NLRP4: variants seen among roughly 807,000 people sequenced by gnomAD.
The protein encoded by NLRP4 is NLR family pyrin domain containing 4, also known as NACHT, LRR and PYD domains-containing protein 4.
NLRP4 carries 44 observed loss-of-function variants against 84.7 expected under a neutral mutation model. The observed-to-expected ratio is 0.52, with a 90% CI of 0.41 to 0.67. The LOEUF (loss-of-function observed/expected upper bound fraction) is 0.67. NLRP4 is among the 30% of genes least tolerant of loss of function. The pLI, the probability that NLRP4 is intolerant of heterozygous loss-of-function variation, is 0.00. For missense variants in NLRP4, 1,260 were observed against 1,219.4 expected (o/e 1.03, Z -0.50); for synonymous variants, 544 against 476.4 (o/e 1.14, Z -1.85).
chr19:55,859,851 C>T (rs1289251368), intron 3 of NLRP4, among the ~76,000 whole-genome samples: 18 of 126,406 alleles, frequency 1.4e-4, no homozygotes, highest in South Asian at 8.5e-4. Context: ...CACTTGAGCC[C>T]GGGAGGCAGA....
At chr19:55,853,006 G>A (rs1984230705) in intron 2 of NLRP4, among the ~76,000 whole-genome samples, 1 of 152,206 alleles carries the variant, frequency 6.6e-6, no homozygotes, top group Non-Finnish European at 1.5e-5. Flanking sequence ...AACACCTGCG[G>A]TAGAGGATAC....
chr19:55,850,731 G>A (rs1375907421), intron 1 of NLRP4, among the ~76,000 whole-genome samples: 1 of 140,308 alleles, frequency 7.1e-6, no homozygotes, highest in African/African-American at 2.9e-5. Context: ...TGTACTTTCC[G>A]AGGCTGCGGT....
chr19:55,848,946 T>C (rs918833660), intron 1 of NLRP4, among the ~76,000 whole-genome samples: 13 of 152,188 alleles, frequency 8.5e-5, no homozygotes, highest in Admixed American at 3.3e-4. Context: ...TCCTCTCTTG[T>C]CTGCCGCCAT....
chr19:55,868,314 G>A (rs2123052949), intron 6 of NLRP4, among the ~76,000 whole-genome samples: 1 of 152,238 alleles, frequency 6.6e-6, no homozygotes, highest in Non-Finnish European at 1.5e-5. Context: ...TATAATACAT[G>A]TGATGTTCTT....
intron 1 of NLRP4, among the ~76,000 whole-genome samples, chr19:55,849,448 T>A (rs1450399100): frequency 6.6e-6 from 1 of 152,182 alleles, no homozygotes; most frequent in Non-Finnish European, 1.5e-5. Flanking sequence ...GAAATGTACT[T>A]CCTCTAGTTC....
chr19:55,845,526 C>A (rs1983760033), intron 1 of NLRP4, among the ~76,000 whole-genome samples: 1 of 151,990 alleles, frequency 6.6e-6, no homozygotes, highest in Admixed American at 6.6e-5. Context: ...ATTTATAATC[C>A]TTTGGGTATA....
At chr19:55,851,927 C>T (rs1984177617) in intron 1 of NLRP4, 89 bp from the exon 2 acceptor site, 1 of 610,448 alleles carries the variant, frequency 1.6e-6, no homozygotes. Flanking sequence ...CCTTCATTGC[C>T]ATCCCCCCAG....
At chr19:55,870,492 G>A (rs1015365342) in intron 6 of NLRP4, among the ~76,000 whole-genome samples, 4 of 152,130 alleles carry the variant, frequency 2.6e-5, no homozygotes, top group African/African-American at 4.8e-5. Context: ...GTGAAACCCC[G>A]TCTCTACTAA....
rs77551965 is a variant in NLRP4 at position 55,880,653 on chromosome 19, C to T, written c.2868-817C>T. Among the ~76,000 whole-genome samples, 57 of 152,170 alleles carry T rather than the reference C, an allele frequency of 3.7e-4. 1 individual carries two copies. Among genetic ancestry groups the T allele is most frequent in the Admixed American group, 2.4e-3 (37 of 15,278 alleles). On this transcript the variant is annotated intron_variant, in intron 9 of 9. Coordinates refer to ENST00000301295, the MANE Select transcript of NLRP4 (RefSeq NM_134444.5). ...ACCCCAACAGTGTGGGACAGTTGCA[C>T]GCAAACAGATGCCAAATGGAGATGA... is the stretch of plus-strand genomic sequence containing the variant.
At chr19:55,844,300 TC>T (rs1452562948) in intron 1 of NLRP4, among the ~76,000 whole-genome samples, 4 of 152,132 alleles carry the variant, frequency 2.6e-5, no homozygotes, top group Non-Finnish European at 5.9e-5. Flanking sequence ...TTTTTATTTT[TC>T]GAGATGGAGT....
At chr19:55,863,793 C>T (rs1157536717) in intron 5 of NLRP4, among the ~76,000 whole-genome samples, 2 of 152,150 alleles carry the variant, frequency 1.3e-5, no homozygotes, top group African/African-American at 4.8e-5. Context: ...CGTTGGCTGG[C>T]ACTTAACCAT....
intron 1 of NLRP4, among the ~76,000 whole-genome samples, chr19:55,843,784 A>G (rs541468495): frequency 1.3e-5 from 2 of 152,180 alleles, no homozygotes; most frequent in South Asian, 4.2e-4. Flanking sequence ...TTTCATGGCA[A>G]AAACCACAAT....
chr19:55,860,529 C>T (rs1984709331), intron 3 of NLRP4, among the ~76,000 whole-genome samples: 1 of 152,100 alleles, frequency 6.6e-6, no homozygotes, highest in Non-Finnish European at 1.5e-5. Context: ...CTGCGGTGAG[C>T]CATGATCGTG....
chr19:55,852,412 A>G (rs766501181), intron 2 of NLRP4, 52 bp downstream of exon 2: 3 of 1,249,108 alleles, frequency 2.4e-6, no homozygotes, highest in Non-Finnish European at 2.3e-6. Context: ...ACTATGTCCT[A>G]ATTTTGGTGA....
At position 55,867,813 on chromosome 19, in the gene NLRP4, A is replaced by G. The variant is rs1425012451; in HGVS notation, c.2291A>G (p.Asp764Gly). The G allele has an allele frequency of 6.2e-7, 1 of 1,614,194 alleles. No homozygotes were observed. The highest frequency in any genetic ancestry group is 1.3e-5 in the African/African-American group (1 of 75,050). ...TYLNVSCNQLDTGVPLLCEAL... is the reference protein window; with the variant it reads ...TYLNVSCNQLGTGVPLLCEAL... ...CTGAATGTATCCTGCAACCAGTTAG[A>G]CACAGGCGTGCCCCTTTTGTGTGAA... Residue 764 changes from aspartate to glycine, a missense_variant, in exon 6 of 10, where the codon GAC becomes GGC. Coordinates refer to ENST00000301295, the MANE Select transcript of NLRP4 (RefSeq NM_134444.5).
At chr19:55,859,950 AAACAAAAC>A (rs1984671353) in intron 3 of NLRP4, among the ~76,000 whole-genome samples, 1 of 90,588 alleles carries the variant, frequency 1.1e-5, no homozygotes, top group Admixed American at 1.4e-4. Flanking sequence ...AAAAAAAAAA[AAACAAAAC>A]ACAAATCATA....
chr19:55,874,404 G>T (rs531143085), intron 7 of NLRP4, among the ~76,000 whole-genome samples: 50 of 152,186 alleles, frequency 3.3e-4, no homozygotes, highest in African/African-American at 1.2e-3. Context: ...GTGGTCACAC[G>T]TGGCTGGCTA....
rs1984563209 is a variant in NLRP4 at position 55,858,540 on chromosome 19, G to T, written c.1147G>T (p.Glu383Ter). 6.2e-7 allele frequency: 1 copy of T among 1,614,142 alleles called. No homozygotes were observed. The highest frequency in any genetic ancestry group is 2.2e-5 in the East Asian group (1 of 44,872). The change falls in exon 3 of 10, where the codon GAG (glutamate) becomes TAG (stop). Residue 383 changes from glutamate to a stop codon, truncating the protein, a stop_gained. Coordinates refer to ENST00000301295, the MANE Select transcript of NLRP4 (RefSeq NM_134444.5). LOFTEE classifies it high-confidence loss of function. The surrounding 1 kb of genome is among the most constrained non-coding windows in gnomAD (Gnocchi z 4.2). The part of the protein sequence containing the change: ...SSFVFNLFTP[E>*]GAEGPTPQTQ... ...TTTCGTCTTTAACCTGTTCACACCT[G>T]AGGGTGCCGAGGGCCCGACTCCGCA...
rs369031971 is a variant in NLRP4, at chr19:55,858,384, A to C, written c.991A>C (p.Ser331Arg). ...AMEAFNLVRE[S>R]EQLFSICQIP... ...GGAAGCCTTCAATCTTGTAAGAGAA[A>C]GTGAACAGCTGTTTTCCATATGCCA... is the stretch of plus-strand genomic sequence containing the variant. Residue 331 changes from serine (S) to arginine (R), a missense_variant, in exon 3 of 10, where the codon AGT becomes CGT. By Grantham distance (110) the Ser-to-Arg change is moderately radical. This residue lies in a region of NLRP4 where 712 missense variants were observed against 669.2 expected (regional missense o/e 1.06). Transcript: ENST00000301295. The surrounding 1 kb of genome is among the most constrained non-coding windows in gnomAD (Gnocchi z 4.2). 3.1e-6 allele frequency: 5 copies of C among 1,614,104 alleles called. No homozygotes were observed. The African/African-American group carries it at 6.7e-5, about 22-fold the overall frequency.
Sources: gnomAD v4.1 joint callset for allele counts (sites outside exome capture counted in the v4.1 genomes callset) on GRCh38, gnomAD v4.1.1 for gene constraint, gnomAD v4.1.1 regional missense constraint, Gnocchi (gnomAD v3.1) non-coding constraint, MANE v1.5 for transcripts, NCBI Gene and HGNC (gene_info 2026-07-23, HGNC 2026-07-21) for gene names.